The following COL4A5 variants were observed in gnomAD, a reference collection of about 807,000 sequenced individuals.
The protein encoded by COL4A5 is collagen alpha-5(IV) chain.
A neutral mutation model predicts 130.2 loss-of-function variants in COL4A5; 26 were observed. That is an observed-to-expected ratio of 0.20 (90% CI 0.15 to 0.28). COL4A5 has a LOEUF of 0.28. COL4A5 is among the 10% of genes least tolerant of loss of function. The probability of loss-of-function intolerance (pLI) is 1.00; values close to 1 mark genes in which losing one functional copy is unlikely to be tolerated. For synonymous variants in COL4A5, 496 were observed against 439.6 expected (o/e 1.13, Z -1.60); for missense variants, 1,131 against 1,344.3 (o/e 0.84, Z 2.48).
intron 1 of COL4A5, among the ~76,000 whole-genome samples, chrX:108,494,876 C>T (rs2147554575): frequency 9.0e-6 from 1 of 110,994 alleles, no homozygotes; most frequent in African/African-American, 3.3e-5. Flanking sequence ...CATTCAGGCT[C>T]TGGGTTAGAA....
At chrX:108,619,497 T>C (rs757654304) in intron 30 of COL4A5, among the ~76,000 whole-genome samples, 94 of 111,833 alleles carry the variant, frequency 8.4e-4, no homozygotes, top group African/African-American at 2.9e-3. Context: ...AAACATACTC[T>C]TTTTTAACCA....
intron 1 of COL4A5, among the ~76,000 whole-genome samples, chrX:108,460,668 T>C (rs913211309): frequency 1.3e-4 from 11 of 82,023 alleles, no homozygotes; most frequent in African/African-American, 4.7e-4. Flanking sequence ...TTTTTTTTTT[T>C]TTTTTTTTTT....
chrX:108,600,671 TAG>T (rs1569494747), intron 25 of COL4A5, among the ~76,000 whole-genome samples: 21 of 109,557 alleles, frequency 1.9e-4, no homozygotes, highest in Admixed American at 8.9e-4. Context: ...GATAGATAGA[TAG>T]ATAGATAGAT....
At chrX:108,598,560 T>C (rs1026967293) in intron 24 of COL4A5, 142 bp from the exon 25 acceptor site, 10 of 558,097 alleles carry the variant, frequency 1.8e-5, no homozygotes, top group Non-Finnish European at 3.0e-5. Flanking sequence ...TGATCACACA[T>C]ACCATCTCAT....
At chrX:108,572,439 C>G (rs1178432623) in intron 8 of COL4A5, among the ~76,000 whole-genome samples, 4 of 111,678 alleles carry the variant, frequency 3.6e-5, no homozygotes. Context: ...CCTGTGGCTC[C>G]TCATATCTCA....
At chrX:108,554,715 G>C (rs904328511) in intron 2 of COL4A5, among the ~76,000 whole-genome samples, 4 of 110,652 alleles carry the variant, frequency 3.6e-5, no homozygotes, top group African/African-American at 9.9e-5. Context: ...ATAAAAATTG[G>C]CTGGGCATGG....
In COL4A5 at chrX:108,655,311, C is replaced by T; in HGVS notation, c.3247-20C>T. 2 of 1,207,058 alleles carry T rather than the reference C, an allele frequency of 1.7e-6. No individual in the cohort carries two copies. Among genetic ancestry groups the T allele is most frequent in the Non-Finnish European group, 2.2e-6 (2 of 892,651 alleles). On this transcript the variant is annotated intron_variant, in intron 36 of 52. Transcript: ENST00000328300. ...AGTCGTGTAGAGACTTCAGTATTAT[C>T]TTTTTATTCGTGTTTTCAGGGTGAG...
At chrX:108,600,042 T>G (rs2066599172) in intron 25 of COL4A5, among the ~76,000 whole-genome samples, 1 of 112,473 alleles carries the variant, frequency 8.9e-6, no homozygotes, top group Non-Finnish European at 1.9e-5. Flanking sequence ...GTCGGACTTT[T>G]ACACTTTTGC....
At chrX:108,625,930 T>C (rs1476343700) in intron 35 of COL4A5, 136 bp downstream of exon 35, 1 of 520,585 alleles carries the variant, frequency 1.9e-6, no homozygotes. Flanking sequence ...TGGGTAGTGT[T>C]CTCTTGTTAC....
At chrX:108,546,946 G>T (rs909621236) in intron 2 of COL4A5, among the ~76,000 whole-genome samples, 18 of 112,216 alleles carry the variant, frequency 1.6e-4, no homozygotes, top group African/African-American at 4.9e-4. Context: ...TCGTGCCATG[G>T]TTTTCAGCCC....
intron 1 of COL4A5, among the ~76,000 whole-genome samples, chrX:108,486,342 G>T (rs1258922032): frequency 9.0e-6 from 1 of 111,275 alleles, no homozygotes; most frequent in African/African-American, 3.3e-5. Context: ...TGTTAAATTT[G>T]GTGTTCAGGG....
intron 41 of COL4A5, among the ~76,000 whole-genome samples, chrX:108,668,861 G>A (rs1436726120): frequency 8.9e-6 from 1 of 111,950 alleles, no homozygotes; most frequent in Non-Finnish European, 1.9e-5. Flanking sequence ...TTTTAAATGT[G>A]AGCTTCTCAG....
intron 42 of COL4A5, among the ~76,000 whole-genome samples, chrX:108,672,390 T>G (rs2147966711): frequency 8.9e-6 from 1 of 111,977 alleles, no homozygotes; most frequent in South Asian, 3.7e-4. Flanking sequence ...TTAAAAGAAA[T>G]TTAACAATTT....
chrX:108,544,277 T>C (rs778763702), intron 2 of COL4A5, among the ~76,000 whole-genome samples: 13 of 112,149 alleles, frequency 1.2e-4, no homozygotes, highest in African/African-American at 3.6e-4. Flanking sequence ...TTTTGAGATA[T>C]GTCCCATCAA....
At chrX:108,491,899 T>C (rs2064996534) in intron 1 of COL4A5, among the ~76,000 whole-genome samples, 1 of 111,588 alleles carries the variant, frequency 9.0e-6, no homozygotes, top group African/African-American at 3.3e-5. Flanking sequence ...GAGGAGAGAT[T>C]TGTGAAAACA....
At chrX:108,453,246 C>T (rs898473924) in intron 1 of COL4A5, among the ~76,000 whole-genome samples, 10 of 111,480 alleles carry the variant, frequency 9.0e-5, no homozygotes, top group African/African-American at 3.3e-4. Flanking sequence ...TTACAACTAA[C>T]CTTATCTTAA....
At position 108,584,542 on chromosome X, in the gene COL4A5, T is replaced by C. The variant is rs775935532; in HGVS notation, c.1032+17T>C. ...CCTGGACTTGTAAGTTTTTTTTTTT[T>C]AGTCTTCGTTTATCAAATTTATTAA... On this transcript the variant is annotated intron_variant, in intron 18 of 52. Transcript: ENST00000328300. The C allele has an allele frequency of 1.0e-4, 120 of 1,175,522 alleles. No individual in the cohort carries two copies. Among genetic ancestry groups the C allele is most frequent in the Non-Finnish European group, 1.3e-4 (117 of 868,997 alleles).
chrX:108,609,532 C>G (rs2066791851), intron 29 of COL4A5, among the ~76,000 whole-genome samples: 2 of 111,624 alleles, frequency 1.8e-5, no homozygotes, highest in South Asian at 7.4e-4. Flanking sequence ...CCCTGGCTGG[C>G]TGACCTGTTC....
chrX:108,613,886 T>TA lies in COL4A5; in HGVS notation c.2396-1024dup, dbSNP rs1280827634. Among the ~76,000 whole-genome samples, 23 of 112,069 alleles carry TA rather than the reference T, an allele frequency of 2.1e-4. 1 individual carries two copies. The highest frequency in any genetic ancestry group is 7.1e-4 in the African/African-American group (22 of 30,963). On this transcript the variant is annotated intron_variant, in intron 29 of 52. Coordinates refer to ENST00000328300, the MANE Select transcript of COL4A5 (RefSeq NM_033380.3). Reference sequence around the variant, plus strand: ...TTTGAAAAACAGTTTGACAATTTCTTATATAGTTAAACATTGTCTTTGCAC... The same window carrying TA: ...TTTGAAAAACAGTTTGACAATTTCTTAATATAGTTAAACATTGTCTTTGCAC...
Sources: allele counts gnomAD v4.1 joint callset (sites outside exome capture counted in the v4.1 genomes callset), GRCh38; gene constraint gnomAD v4.1.1; transcripts MANE v1.5; gene names NCBI Gene and HGNC (gene_info 2026-07-23, HGNC 2026-07-21).